Variants in HERPUD2 observed in about 807,000 individuals in gnomAD.
HERPUD2 encodes the protein homocysteine-responsive endoplasmic reticulum-resident ubiquitin-like domain member 2 protein.
Under a neutral mutation model 49.9 loss-of-function variants are expected in HERPUD2, and 13 were observed. The observed-to-expected ratio is 0.26, with a 90% CI of 0.17 to 0.41. HERPUD2 has a LOEUF of 0.41. Ranked by LOEUF, HERPUD2 falls within the 10% of genes least tolerant of loss-of-function variation. The pLI is 1.00. For synonymous variants in HERPUD2, 172 were observed against 171.4 expected, an observed-to-expected ratio of 1.00 and a Z score of -0.03; for missense variants, 449 against 492.2, an observed-to-expected ratio of 0.91 and a Z score of 0.83.
At chr7:35,651,220 C>T (rs1785159971) in intron 5 of HERPUD2, among the ~76,000 whole-genome samples, 1 of 152,174 alleles carries the variant, frequency 6.6e-6, no homozygotes, top group Non-Finnish European at 1.5e-5. Context: ...TGCCAAACTG[C>T]CCAGCCCACC....
chr7:35,640,046 T>C (rs1159324534), intron 5 of HERPUD2, among the ~76,000 whole-genome samples: 1 of 152,056 alleles, frequency 6.6e-6, no homozygotes, highest in African/African-American at 2.4e-5. Flanking sequence ...AAAGCAAACC[T>C]CAACCCAGTT....
chr7:35,653,955 C>A (rs912069010), intron 5 of HERPUD2, among the ~76,000 whole-genome samples: 2 of 152,104 alleles, frequency 1.3e-5, no homozygotes, highest in African/African-American at 4.8e-5. Context: ...GGATCACACA[C>A]CACACTCCAG....
chr7:35,678,552 C>T (rs1161149357), intron 2 of HERPUD2, among the ~76,000 whole-genome samples: 1 of 152,198 alleles, frequency 6.6e-6, no homozygotes. Flanking sequence ...CCGCCCGCCT[C>T]AGCCCCCTAA....
chr7:35,652,878 C>G (rs964251635), intron 5 of HERPUD2, among the ~76,000 whole-genome samples: 2 of 151,886 alleles, frequency 1.3e-5, no homozygotes, highest in Non-Finnish European at 2.9e-5. Context: ...ATTAAGGGAG[C>G]CCTATACCCG....
At chr7:35,688,139 A>G (rs1786104208) in intron 2 of HERPUD2, among the ~76,000 whole-genome samples, 1 of 152,218 alleles carries the variant, frequency 6.6e-6, no homozygotes. Flanking sequence ...ATAGCTTTAA[A>G]GAGCTGGGTC....
In HERPUD2 at chr7:35,686,928, C is replaced by G. The variant is rs1274684895; in HGVS notation, c.147+7256G>C. Among the ~76,000 whole-genome samples, 3 of 147,788 alleles carry G rather than the reference C, an allele frequency of 2.0e-5. 1 individual carries two copies. Among genetic ancestry groups the G allele is most frequent in the Non-Finnish European group, 3.0e-5 (2 of 67,210 alleles). On this transcript the variant is annotated intron_variant, in intron 2 of 8. Coordinates refer to ENST00000311350, the MANE Select transcript of HERPUD2 (RefSeq NM_022373.5). The stretch of plus-strand genomic sequence containing the variant: ...TGAAAATACAGAAAAATTAGGTGGG[C>G]AGGCGCCTGTAATCCCAGCTACTGA...
chr7:35,658,207 T>C (rs1785324868), intron 5 of HERPUD2, among the ~76,000 whole-genome samples: 1 of 152,206 alleles, frequency 6.6e-6, no homozygotes, highest in Non-Finnish European at 1.5e-5. Context: ...GTCATTATGT[T>C]ATGTGAAATA....
chr7:35,683,228 A>C (rs760510655), intron 2 of HERPUD2, among the ~76,000 whole-genome samples: 1 of 152,248 alleles, frequency 6.6e-6, no homozygotes, highest in Non-Finnish European at 1.5e-5. Flanking sequence ...ACAGGCACAT[A>C]GACCAATGGA....
chr7:35,694,078 G>A, intron 2 of HERPUD2, 106 bp downstream of exon 2: 2 of 1,185,068 alleles, frequency 1.7e-6, no homozygotes, highest in Non-Finnish European at 2.5e-6. Flanking sequence ...TCTACCAAAA[G>A]AGACCTATTT....
At position 35,684,346 on chromosome 7, in the gene HERPUD2, C is replaced by T. The variant is rs185325767; in HGVS notation, c.147+9838G>A. Among the ~76,000 whole-genome samples, 498 of 151,680 alleles carry T rather than the reference C, an allele frequency of 3.3e-3. 2 individuals are homozygous for T. The highest frequency in any genetic ancestry group is 0.011 in the African/African-American group (468 of 41,292). ...CGGAGCTTCCAGTGGGCCGAGATCG[C>T]ACCACTGCACTCCAGCCTGGGTGAT... On this transcript the variant is annotated intron_variant, in intron 2 of 8. Transcript: ENST00000311350.
intron 5 of HERPUD2, among the ~76,000 whole-genome samples, chr7:35,656,608 A>C (rs73094476): frequency 1.3e-5 from 2 of 152,330 alleles, no homozygotes; most frequent in Non-Finnish European, 2.9e-5. Flanking sequence ...TATTGGTATA[A>C]AAATAGACAC....
chr7:35,693,555 CTT>C (rs950369084), intron 2 of HERPUD2, among the ~76,000 whole-genome samples: 2 of 144,532 alleles, frequency 1.4e-5, no homozygotes, highest in African/African-American at 2.5e-5. Context: ...AGTGCTTTAT[CTT>C]TTTTTTTTTT....
intron 5 of HERPUD2, among the ~76,000 whole-genome samples, chr7:35,649,255 A>T (rs1785115454): frequency 6.6e-6 from 1 of 151,956 alleles, no homozygotes; most frequent in Admixed American, 6.5e-5. Flanking sequence ...CATCTCTGAA[A>T]AAAAAAAAAA....
chr7:35,674,240 G>C (rs1433894037), intron 2 of HERPUD2, among the ~76,000 whole-genome samples: 2 of 151,402 alleles, frequency 1.3e-5, no homozygotes, highest in African/African-American at 4.9e-5. Flanking sequence ...ATCCTTCCAA[G>C]ATACTTAACC....
chr7:35,662,560 T>C (rs1028602986), intron 5 of HERPUD2, among the ~76,000 whole-genome samples: 1 of 152,214 alleles, frequency 6.6e-6, no homozygotes, highest in Admixed American at 6.5e-5. Context: ...GAACCCGTTA[T>C]TGGTCTATTC....
rs1249491581 is a variant in HERPUD2 at position 35,694,616 on chromosome 7, G to C, written c.-286C>G. The C allele has an allele frequency of 2.3e-6, 1 of 443,474 alleles. No individual in the cohort carries two copies. Among genetic ancestry groups the C allele is most frequent in the African/African-American group, 2.0e-5 (1 of 51,030 alleles). The allele number at this position is 443,474 out of a possible 1,614,324, so 27.5% of individuals were successfully genotyped here. On this transcript the variant is annotated 5_prime_UTR_variant, in exon 2 of 9. Transcript: ENST00000311350. ...CTCCGGACTGTGGAGGCCGTCGTGA[G>C]GAGAAAGGAAGCTATACGAAGGAAG...
At chr7:35,665,307 C>T (rs973874245) in intron 5 of HERPUD2, among the ~76,000 whole-genome samples, 2 of 152,220 alleles carry the variant, frequency 1.3e-5, no homozygotes, top group Admixed American at 1.3e-4. Flanking sequence ...GTACTCGAGC[C>T]TCGGCAATGG....
intron 2 of HERPUD2, among the ~76,000 whole-genome samples, chr7:35,686,196 C>CTT (rs1348780601): frequency 1.4e-5 from 2 of 146,112 alleles, no homozygotes; most frequent in African/African-American, 5.0e-5. Context: ...TTTTTCTTTT[C>CTT]TTTTTTTTTT....
intron 5 of HERPUD2, among the ~76,000 whole-genome samples, chr7:35,658,607 AATT>A (rs1163904084): frequency 3.3e-5 from 5 of 152,208 alleles, no homozygotes; most frequent in Non-Finnish European, 7.4e-5. Flanking sequence ...TTTAAAAATA[AATT>A]ATAACAAAAC....
Sources: allele counts gnomAD v4.1 joint callset (sites outside exome capture counted in the v4.1 genomes callset), GRCh38; gene constraint gnomAD v4.1.1; transcripts MANE v1.5; gene names NCBI Gene and HGNC (gene_info 2026-07-23, HGNC 2026-07-21).